Variants in ZC2HC1B observed in about 807,000 individuals in gnomAD.
ZC2HC1B encodes the protein zinc finger C2HC domain-containing protein 1B.
In ZC2HC1B, 36 loss-of-function variants were observed where a neutral mutation model predicts 31.0. The ratio of observed to expected loss-of-function variants is 1.16; its 90% CI spans 0.89 to 1.54. ZC2HC1B has a LOEUF of 1.54. Among genes scored for constraint, ZC2HC1B ranks in the 40% most tolerant of loss-of-function variants. The pLI is 0.00. For synonymous variants in ZC2HC1B, 73 were observed against 88.0 expected (o/e 0.83, Z 0.95); for missense variants, 260 against 268.6 (o/e 0.97, Z 0.22).
chr6:143,916,161 G>C (rs1265907014), intron 6 of ZC2HC1B, among the ~76,000 whole-genome samples: 1 of 152,236 alleles, frequency 6.6e-6, no homozygotes, highest in Non-Finnish European at 1.5e-5. Flanking sequence ...AGCTGCTCCA[G>C]CCCTGACTAA....
intron 6 of ZC2HC1B, among the ~76,000 whole-genome samples, chr6:143,937,373 G>C (rs1474949241): frequency 6.6e-6 from 1 of 152,114 alleles, no homozygotes; most frequent in African/African-American, 2.4e-5. Flanking sequence ...GTGTATAAAG[G>C]GTGGGTCACT....
At chr6:143,912,320 A>G (rs1257405801) in intron 6 of ZC2HC1B, among the ~76,000 whole-genome samples, 1 of 152,172 alleles carries the variant, frequency 6.6e-6, no homozygotes, top group Non-Finnish European at 1.5e-5. Flanking sequence ...GAGGTGTTGC[A>G]GTCATTTTAA....
intron 4 of ZC2HC1B, among the ~76,000 whole-genome samples, chr6:143,888,977 G>A (rs1777565317): frequency 6.6e-6 from 1 of 151,980 alleles, no homozygotes; most frequent in African/African-American, 2.4e-5. Context: ...GTTTTCCATT[G>A]AGGATAATAT....
At chr6:143,882,334 T>TTATATATATATATA (rs59777839) in intron 1 of ZC2HC1B, among the ~76,000 whole-genome samples, 48 of 85,528 alleles carry the variant, frequency 5.6e-4, no homozygotes, top group African/African-American at 1.3e-3. Flanking sequence ...TTTATATTTT[T>TTATATATATATATA]TATATATATA....
At position 143,864,572 on chromosome 6, in the gene ZC2HC1B, G is replaced by A; in HGVS notation, c.28+5G>A. The A allele has an allele frequency of 1.5e-5, 23 of 1,551,556 alleles. No individual in the cohort carries two copies. The highest frequency in any genetic ancestry group is 2.0e-5 in the Non-Finnish European group (23 of 1,146,926). On this transcript the variant is annotated splice_donor_5th_base_variant and intron_variant, in intron 1 of 7. Coordinates refer to ENST00000237275, the MANE Select transcript of ZC2HC1B (RefSeq NM_001013623.3). Reference sequence around the variant, plus strand: ...GGGCAGAACCATTTTTGGCAGGTGAGCTGCACTTGATATCTAAATTATTAG... The same window carrying A: ...GGGCAGAACCATTTTTGGCAGGTGAACTGCACTTGATATCTAAATTATTAG...
At chr6:143,936,336 A>G (rs1778178033) in intron 6 of ZC2HC1B, among the ~76,000 whole-genome samples, 8 of 152,224 alleles carry the variant, frequency 5.3e-5, no homozygotes, top group Admixed American at 3.3e-4. Context: ...TATTTTACAG[A>G]TGAGGAAAGC....
Position 143,884,244 on chromosome 6 carries a change from T to C in ZC2HC1B, c.29-60T>C. The C allele has an allele frequency of 1.4e-6, 2 of 1,465,854 alleles. No individual in the cohort carries two copies. Among genetic ancestry groups the C allele is most frequent in the South Asian group, 1.3e-5 (1 of 76,394 alleles). The allele number at this position is 1,465,854 out of a possible 1,614,324, so 90.8% of individuals were successfully genotyped here. On this transcript the variant is annotated intron_variant, in intron 1 of 7. Coordinates refer to ENST00000237275, the MANE Select transcript of ZC2HC1B (RefSeq NM_001013623.3). This position sits in a 1 kb window ranked among gnomAD's most constrained non-coding sequence, Gnocchi z 5.1. ...TATTGAGGTCACCTCCAGTCAGTCA[T>C]TTCTTCTCAGCGAGGAAATTCCATG...
In ZC2HC1B at chr6:143,870,893, C is replaced by G. The variant is rs962905067; in HGVS notation, c.28+6326C>G. On this transcript the variant is annotated intron_variant, in intron 1 of 7. Coordinates refer to ENST00000237275, the MANE Select transcript of ZC2HC1B (RefSeq NM_001013623.3). The surrounding 1 kb of genome is among the most constrained non-coding windows in gnomAD (Gnocchi z 4.7). ...AGAGCAGCTTGCACAGCAGCCTGGACCTGTTGTAGAGCCTTCTCCTGTTCT... is the reference window on the plus strand; with the variant it reads ...AGAGCAGCTTGCACAGCAGCCTGGAGCTGTTGTAGAGCCTTCTCCTGTTCT... 1.3e-5 allele frequency among the ~76,000 whole-genome samples: 2 copies of G among 152,156 alleles called. No homozygotes were observed. The highest frequency in any genetic ancestry group is 4.8e-5 in the African/African-American group (2 of 41,428).
chr6:143,893,993 G>A (rs1421657141), intron 4 of ZC2HC1B, among the ~76,000 whole-genome samples: 1 of 152,044 alleles, frequency 6.6e-6, no homozygotes, highest in Non-Finnish European at 1.5e-5. Flanking sequence ...GCCTGCACTG[G>A]TATTTTCTTA....
In ZC2HC1B at chr6:143,865,074, T is replaced by G. The variant is rs1562334573; in HGVS notation, c.28+507T>G. ...GAGAAAAAGACTAGGCCATGAGTCT[T>G]GATGAAGCATATTGTGATTTAGGCA... On this transcript the variant is annotated intron_variant, in intron 1 of 7. Transcript: ENST00000237275. The surrounding 1 kb of genome is among the most constrained non-coding windows in gnomAD (Gnocchi z 4.4). 2.6e-5 allele frequency among the ~76,000 whole-genome samples: 4 copies of G among 152,196 alleles called. No individual in the cohort carries two copies. Among genetic ancestry groups the G allele is most frequent in the Admixed American group, 2.6e-4 (4 of 15,278 alleles).
At position 143,871,296 on chromosome 6, in the gene ZC2HC1B, G is replaced by T. The variant is rs776255600; in HGVS notation, c.28+6729G>T. Among the ~76,000 whole-genome samples the T allele has an allele frequency of 6.6e-5, 10 of 152,192 alleles. No homozygotes were observed. The highest frequency in any genetic ancestry group is 1.3e-4 in the Non-Finnish European group (9 of 68,038). The stretch of plus-strand genomic sequence containing the variant: ...GTGTGATACCTTGTGGAAGCAAAAA[G>T]TGATCAAGGTCTCTCTGAATAAGAT... On this transcript the variant is annotated intron_variant, in intron 1 of 7. Coordinates refer to ENST00000237275, the MANE Select transcript of ZC2HC1B (RefSeq NM_001013623.3). The surrounding 1 kb of genome is among the most constrained non-coding windows in gnomAD (Gnocchi z 4.1).
Position 143,913,669 on chromosome 6 carries a change from A to G in ZC2HC1B, c.598+10517A>G, listed in dbSNP as rs1242403842. ...TACCCAGTTCTATGTGACAGATCCAAGGCTCTGGTGGCATAGGCTCACAAG... is the reference window on the plus strand; with the variant it reads ...TACCCAGTTCTATGTGACAGATCCAGGGCTCTGGTGGCATAGGCTCACAAG... On this transcript the variant is annotated intron_variant, in intron 6 of 7. Transcript: ENST00000237275. The surrounding 1 kb of genome is among the most constrained non-coding windows in gnomAD (Gnocchi z 5.7). 3.3e-5 allele frequency among the ~76,000 whole-genome samples: 5 copies of G among 152,198 alleles called. No individual in the cohort carries two copies. The highest frequency in any genetic ancestry group is 4.4e-5 in the Non-Finnish European group (3 of 68,032).
At chr6:143,866,173 T>C (rs1299389923) in intron 1 of ZC2HC1B, among the ~76,000 whole-genome samples, 1 of 152,224 alleles carries the variant, frequency 6.6e-6, no homozygotes. Flanking sequence ...GATATCATAG[T>C]ACCACAGATG....
At position 143,865,222 on chromosome 6, in the gene ZC2HC1B, T is replaced by G. The variant is rs1364079167; in HGVS notation, c.28+655T>G. ...ATAAATGATGATTGGGAACTGAACATAAAAGCTCCATGCTAAATGTTGGGA... is the reference window on the plus strand; with the variant it reads ...ATAAATGATGATTGGGAACTGAACAGAAAAGCTCCATGCTAAATGTTGGGA... On this transcript the variant is annotated intron_variant, in intron 1 of 7. Coordinates refer to ENST00000237275, the MANE Select transcript of ZC2HC1B (RefSeq NM_001013623.3). This position sits in a 1 kb window ranked among gnomAD's most constrained non-coding sequence, Gnocchi z 4.4. 6.6e-6 allele frequency among the ~76,000 whole-genome samples: 1 copy of G among 152,200 alleles called. No homozygotes were observed. The highest frequency in any genetic ancestry group is 6.5e-5 in the Admixed American group (1 of 15,278).
Position 143,917,278 on chromosome 6 carries a change from A to G in ZC2HC1B, c.598+14126A>G, listed in dbSNP as rs867899100. ...CCAGCCACATGGAACTGTAAGTCCA[A>G]TAAACCTCTTTCTTTTGTAAATTGC... On this transcript the variant is annotated intron_variant, in intron 6 of 7. Transcript: ENST00000237275. The surrounding 1 kb of genome is among the most constrained non-coding windows in gnomAD (Gnocchi z 4.1). 6.6e-6 allele frequency among the ~76,000 whole-genome samples: 1 copy of G among 152,202 alleles called. No individual in the cohort carries two copies.
rs1777507577 is a variant in ZC2HC1B, at chr6:143,884,499, A to G, written c.90+134A>G. Reference sequence around the variant, plus strand: ...AGGGAAGAGGAAAAGTACATAACCTATGGCTGGTGGGCCCAGAGAACACTG... The same window carrying G: ...AGGGAAGAGGAAAAGTACATAACCTGTGGCTGGTGGGCCCAGAGAACACTG... On this transcript the variant is annotated intron_variant, in intron 2 of 7. Transcript: ENST00000237275. The surrounding 1 kb of genome is among the most constrained non-coding windows in gnomAD (Gnocchi z 5.1). 6.7e-6 allele frequency: 5 copies of G among 744,332 alleles called. No homozygotes were observed. Among genetic ancestry groups the G allele is most frequent in the Non-Finnish European group, 1.0e-5 (5 of 492,492 alleles). 46.1% of individuals were successfully genotyped at this position (744,332 alleles called of 1,614,324 possible). A position where few individuals can be genotyped will look rare whatever the true frequency, so the allele number is the denominator to read the frequency against.
At position 143,886,121 on chromosome 6, in the gene ZC2HC1B, T is replaced by A; in HGVS notation, c.180T>A (p.Ile60=). The change falls in exon 3 of 8, where the codon ATT becomes ATA. Residue 60 remains isoleucine (I), a synonymous_variant. Coordinates refer to ENST00000237275, the MANE Select transcript of ZC2HC1B (RefSeq NM_001013623.3). This position sits in a 1 kb window ranked among gnomAD's most constrained non-coding sequence, Gnocchi z 4.2. Reference sequence around the variant, plus strand: ...AGCAAAGATTACAGGGCACTGACATTCCTACTGTGAAGAAGACTCCACAAT... The same window carrying A: ...AGCAAAGATTACAGGGCACTGACATACCTACTGTGAAGAAGACTCCACAAT... ...SLKQRLQGTD[I]PTVKKTPQSK... The A allele has an allele frequency of 6.5e-7, 1 of 1,548,238 alleles. No homozygotes were observed. The highest frequency in any genetic ancestry group is 8.7e-7 in the Non-Finnish European group (1 of 1,146,018).
At chr6:143,876,428 C>CT (rs1326285202) in intron 1 of ZC2HC1B, among the ~76,000 whole-genome samples, 2 of 150,396 alleles carry the variant, frequency 1.3e-5, no homozygotes, top group Admixed American at 1.3e-4. Flanking sequence ...ATGCCAAAGT[C>CT]TATCAGTGTT....
intron 4 of ZC2HC1B, among the ~76,000 whole-genome samples, chr6:143,888,927 T>C (rs765274742): frequency 5.9e-5 from 9 of 152,054 alleles, no homozygotes; most frequent in Non-Finnish European, 1.2e-4. Context: ...TTTCGTACTA[T>C]ATCGAATAGG....
Sources: gnomAD v4.1 joint callset for allele counts (sites outside exome capture counted in the v4.1 genomes callset) on GRCh38, gnomAD v4.1.1 for gene constraint, Gnocchi (gnomAD v3.1) non-coding constraint, MANE v1.5 for transcripts, NCBI Gene and HGNC (gene_info 2026-07-23, HGNC 2026-07-21) for gene names.